The following PLAAT4 variants were observed in gnomAD, a reference collection of about 807,000 sequenced individuals.
PLAAT4 encodes HRAS-like suppressor 4.
In PLAAT4, 12 loss-of-function variants were observed where a neutral mutation model predicts 14.1. That is an observed-to-expected ratio of 0.85 (90% CI 0.54 to 1.37). PLAAT4 has a LOEUF of 1.37. Ranked by LOEUF, PLAAT4 falls within the 40% of genes most tolerant of loss-of-function variation. The probability of loss-of-function intolerance (pLI) is 0.00; values close to 1 mark genes in which losing one functional copy is unlikely to be tolerated. For missense variants in PLAAT4, 163 were observed against 211.7 expected, an observed-to-expected ratio of 0.77 and a Z score of 1.43; for synonymous variants, 77 against 79.8, an observed-to-expected ratio of 0.96 and a Z score of 0.19.
intron 1 of PLAAT4, 79 bp downstream of exon 1, chr11:63,536,956 C>T: frequency 6.5e-7 from 1 of 1,528,948 alleles, no homozygotes; most frequent in Non-Finnish European, 8.8e-7. Context: ...AGTCCAGGCT[C>T]CTGGCCTTGG....
intron 3 of PLAAT4, chr11:63,545,287 C>T: frequency 2.4e-6 from 1 of 410,928 alleles, no homozygotes; most frequent in Non-Finnish European, 4.4e-6. Context: ...TGTAAGAGCT[C>T]AAGGACATTT....
At chr11:63,542,107 A>G (rs1009125186) in intron 2 of PLAAT4, among the ~76,000 whole-genome samples, 6 of 152,170 alleles carry the variant, frequency 3.9e-5, no homozygotes, top group Non-Finnish European at 7.4e-5. Flanking sequence ...CAGTTTAACC[A>G]TTTTCATTAA....
At chr11:63,541,685 T>C (rs2017323404) in intron 2 of PLAAT4, among the ~76,000 whole-genome samples, 1 of 151,470 alleles carries the variant, frequency 6.6e-6, no homozygotes, top group Non-Finnish European at 1.5e-5. Flanking sequence ...TACTTTACAA[T>C]AAAGAAAATT....
chr11:63,546,029 T>C (rs1473932999), intron 3 of PLAAT4, 120 bp from the exon 4 acceptor site: 2 of 807,398 alleles, frequency 2.5e-6, no homozygotes, highest in East Asian at 4.9e-5. Context: ...AGAGAGGAGA[T>C]GCCAGGCCTT....
At chr11:63,541,592 T>C (rs949715521) in intron 2 of PLAAT4, among the ~76,000 whole-genome samples, 1 of 151,102 alleles carries the variant, frequency 6.6e-6, no homozygotes, top group African/African-American at 2.4e-5. Flanking sequence ...TGTACAGTGA[T>C]GTGATTACAG....
At chr11:63,539,696 T>A in intron 2 of PLAAT4, 72 bp downstream of exon 2, 1 of 1,209,650 alleles carries the variant, frequency 8.3e-7, no homozygotes, top group Non-Finnish European at 1.2e-6. Flanking sequence ...GCACGGTGGC[T>A]CATGCCTGTA....
intron 3 of PLAAT4, 57 bp downstream of exon 3, chr11:63,544,946 T>A (rs2134360176): frequency 6.2e-7 from 1 of 1,609,708 alleles, no homozygotes; most frequent in East Asian, 2.2e-5. Flanking sequence ...CTCACGGGGC[T>A]GTGCAGCCAG....
chr11:63,539,231 C>A (rs1322526722), intron 1 of PLAAT4, among the ~76,000 whole-genome samples: 1 of 152,144 alleles, frequency 6.6e-6, no homozygotes, highest in African/African-American at 2.4e-5. Flanking sequence ...CACATGCACA[C>A]ACATCTGCAT....
Position 63,536,849 on chromosome 11 carries a change from G to A in PLAAT4, c.-20G>A. On this transcript the variant is annotated 5_prime_UTR_variant, in exon 1 of 4. Coordinates refer to ENST00000255688, the MANE Select transcript of PLAAT4 (RefSeq NM_004585.5). ...TGATCCACAAACAAGAGGAGCACCA[G>A]ACCTCCTCTTGGCTTCGAGATGGCT... is the stretch of plus-strand genomic sequence containing the variant. 2 of 1,611,842 alleles carry A rather than the reference G, an allele frequency of 1.2e-6. No individual in the cohort carries two copies. Among genetic ancestry groups the A allele is most frequent in the Non-Finnish European group, 1.7e-6 (2 of 1,179,074 alleles).
At chr11:63,537,817 A>T (rs1393155384) in intron 1 of PLAAT4, among the ~76,000 whole-genome samples, 3 of 151,878 alleles carry the variant, frequency 2.0e-5, no homozygotes, top group African/African-American at 7.3e-5. Context: ...GCCCCATTCT[A>T]CGCCAGGCCC....
intron 2 of PLAAT4, among the ~76,000 whole-genome samples, chr11:63,542,768 C>T (rs1475630105): frequency 1.3e-5 from 2 of 152,138 alleles, no homozygotes; most frequent in African/African-American, 4.8e-5. Context: ...GTTCTATCAT[C>T]GTTGGCCACA....
At chr11:63,541,158 G>T (rs2017318169) in intron 2 of PLAAT4, among the ~76,000 whole-genome samples, 1 of 151,402 alleles carries the variant, frequency 6.6e-6, no homozygotes, top group Non-Finnish European at 1.5e-5. Flanking sequence ...GAAGACACAT[G>T]GTCCTTTTTG....
chr11:63,541,527 C>CTTT (rs36001314), intron 2 of PLAAT4, among the ~76,000 whole-genome samples: 1 of 134,904 alleles, frequency 7.4e-6, no homozygotes, highest in African/African-American at 2.7e-5. Context: ...TCTCTCTTTC[C>CTTT]TTTTTTTTTT....
At position 63,544,897 on chromosome 11, in the gene PLAAT4, CCT is replaced by C. The variant is rs771102532; in HGVS notation, c.387+13_387+14del. The C allele has an allele frequency of 6.2e-7, 1 of 1,614,210 alleles. No individual in the cohort carries two copies. The highest frequency in any genetic ancestry group is 2.2e-5 in the East Asian group (1 of 44,888). Reference sequence around the variant, plus strand: ...AAGTCCCGCTGTAAACAGGTAAGGACCTCTCTGGATAATCCATCTCCCTCTGC... The same window carrying C: ...AAGTCCCGCTGTAAACAGGTAAGGACCTCTGGATAATCCATCTCCCTCTGC... On this transcript the variant is annotated intron_variant, in intron 3 of 3. Transcript: ENST00000255688.
chr11:63,546,079 G>A (rs529111789), intron 3 of PLAAT4, 70 bp from the exon 4 acceptor site: 2 of 1,259,928 alleles, frequency 1.6e-6, no homozygotes, highest in African/African-American at 3.0e-5. Flanking sequence ...AGGAGTTCCA[G>A]GCCCTTGGGA....
rs778304466 is a variant in PLAAT4 at position 63,544,910 on chromosome 11, T to C, written c.387+21T>C. The C allele has an allele frequency of 2.5e-6, 4 of 1,614,160 alleles. No individual in the cohort carries two copies. The South Asian group carries it at 4.4e-5, about 18-fold the overall frequency. On this transcript the variant is annotated intron_variant, in intron 3 of 3. Transcript: ENST00000255688. ...AACAGGTAAGGACCTCTCTGGATAA[T>C]CCATCTCCCTCTGCTTGGGGCTGGA...
In PLAAT4 at chr11:63,544,640, C is replaced by G; in HGVS notation, c.138C>G (p.Gly46=). Residue 46 remains glycine, a synonymous_variant, in exon 3 of 4, where the codon GGC becomes GGG. Coordinates refer to ENST00000255688, the MANE Select transcript of PLAAT4 (RefSeq NM_004585.5). ...LAPPSEYPGA[G]SSSVFSVLSN... ...TTGCAGGTGAGTACCCCGGGGCTGG[C>G]TCCTCCAGTGTCTTCTCAGTCCTGA... 1 of 1,613,074 alleles carries G rather than the reference C, an allele frequency of 6.2e-7. No homozygotes were observed. Among genetic ancestry groups the G allele is most frequent in the Non-Finnish European group, 8.5e-7 (1 of 1,179,102 alleles).
intron 2 of PLAAT4, among the ~76,000 whole-genome samples, chr11:63,542,810 G>A (rs1427989598): frequency 6.6e-6 from 1 of 152,098 alleles, no homozygotes; most frequent in Non-Finnish European, 1.5e-5. Context: ...CTTAAATTCT[G>A]CACATTTCTA....
chr11:63,544,538 A>G (rs1414765403), intron 2 of PLAAT4, 83 bp from the exon 3 acceptor site: 12 of 1,442,124 alleles, frequency 8.3e-6, no homozygotes, highest in Non-Finnish European at 1.1e-5. Flanking sequence ...AAGGATAAAC[A>G]CCAGTAGTTC....
Sources: gnomAD v4.1 joint callset for allele counts (sites outside exome capture counted in the v4.1 genomes callset) on GRCh38, gnomAD v4.1.1 for gene constraint, MANE v1.5 for transcripts, NCBI Gene and HGNC (gene_info 2026-07-23, HGNC 2026-07-21) for gene names.